The following FAM83G variants were observed in gnomAD, a reference collection of about 807,000 sequenced individuals.
The protein encoded by FAM83G is scaffolding CK1 anchoring protein G, also known as protein FAM83G.
In FAM83G, 38 loss-of-function variants were observed where a neutral mutation model predicts 61.5. The observed-to-expected ratio is 0.62, with a 90% CI of 0.48 to 0.81. FAM83G has a LOEUF of 0.81. Among genes scored for constraint, FAM83G ranks in the 30% least tolerant of loss-of-function variants. The probability of loss-of-function intolerance (pLI) is 0.00; values close to 1 mark genes in which losing one functional copy is unlikely to be tolerated. For missense variants in FAM83G, 989 were observed against 1,133.6 expected (o/e 0.87, Z 1.83); for synonymous variants, 470 against 476.1 (o/e 0.99, Z 0.17).
chr17:18,991,690 C>T (rs955991467), intron 2 of FAM83G, among the ~76,000 whole-genome samples: 1 of 152,192 alleles, frequency 6.6e-6, no homozygotes, highest in African/African-American at 2.4e-5. Flanking sequence ...ACGTGTGTGT[C>T]CTGCACCCCA....
chr17:18,970,723 G>A lies in FAM83G; in HGVS notation c.*636C>T. On this transcript the variant is annotated 3_prime_UTR_variant, in exon 6 of 6. Transcript: ENST00000388995. ...CTTGCCCAAGGCCGATGAGTGTCCA[G>A]AGGCCAACAGTGACTCCTGCTGGGC... 1 of 454,758 alleles carries A rather than the reference G, an allele frequency of 2.2e-6. No individual in the cohort carries two copies. The highest frequency in any genetic ancestry group is 4.0e-6 in the Non-Finnish European group (1 of 249,508). The allele number at this position is 454,758 out of a possible 1,614,324, so 28.2% of individuals were successfully genotyped here.
At chr17:18,983,000 G>A (rs886754299) in intron 3 of FAM83G, among the ~76,000 whole-genome samples, 14 of 152,228 alleles carry the variant, frequency 9.2e-5, no homozygotes, top group Admixed American at 3.3e-4. Flanking sequence ...CTCCCAGTGG[G>A]TGCCCCATGA....
chr17:18,986,686 GC>G (rs1451156863), intron 3 of FAM83G, among the ~76,000 whole-genome samples: 2 of 152,230 alleles, frequency 1.3e-5, no homozygotes, highest in East Asian at 3.8e-4. Context: ...GGAGTGGCTG[GC>G]CCCAGGTTAG....
intron 5 of FAM83G, among the ~76,000 whole-genome samples, chr17:18,975,026 G>A (rs1597841564): frequency 1.3e-5 from 2 of 152,316 alleles, no homozygotes; most frequent in South Asian, 4.1e-4. Flanking sequence ...TCTACTTGGG[G>A]TGACAGCACC....
rs1169596906 is a variant in FAM83G, at chr17:19,003,124, A to G, written c.522+396T>C. On this transcript the variant is annotated intron_variant, in intron 2 of 5. Coordinates refer to ENST00000388995, the MANE Select transcript of FAM83G (RefSeq NM_001039999.3). This position sits in a 1 kb window ranked among gnomAD's most constrained non-coding sequence, Gnocchi z 4.5. ...TCACCCCACAACAAAAGCTCTCCCC[A>G]CCAGAGAGCTCATGGTGTGTGCGCG... is the stretch of plus-strand genomic sequence containing the variant. Among the ~76,000 whole-genome samples, 10 of 151,128 alleles carry G rather than the reference A, an allele frequency of 6.6e-5. No homozygotes were observed. The highest frequency in any genetic ancestry group is 1.5e-4 in the Non-Finnish European group (10 of 67,826).
rs2042775999 is a variant in FAM83G, at chr17:18,969,176, G to A, written c.*2183C>T. 4 of 1,611,710 alleles carry A rather than the reference G, an allele frequency of 2.5e-6. No individual in the cohort carries two copies. The East Asian group carries it at 8.9e-5, about 36-fold the overall frequency. On this transcript the variant is annotated 3_prime_UTR_variant, in exon 6 of 6. Coordinates refer to ENST00000388995, the MANE Select transcript of FAM83G (RefSeq NM_001039999.3). Reference sequence around the variant, plus strand: ...ATCGCAGGTATGGTGCCTGCAGCAGGGAGGTCCACCCAGGGGACGTGTAAA... The same window carrying A: ...ATCGCAGGTATGGTGCCTGCAGCAGAGAGGTCCACCCAGGGGACGTGTAAA...
rs779496736 is a variant in FAM83G, at chr17:18,971,403, A to C, written c.2428T>G (p.Ser810Ala). The change falls in exon 6 of 6, where the codon TCT becomes GCT. Residue 810 changes from serine (S) to alanine (A), a missense_variant. By Grantham distance (99) the Ser-to-Ala change is moderately conservative (BLOSUM62 1). Around this residue, in one of 3 missense-constraint regions of FAM83G, gnomAD observed 574 missense variants for 645.1 expected, o/e 0.89. Transcript: ENST00000388995. The surrounding 1 kb of genome is among the most constrained non-coding windows in gnomAD (Gnocchi z 5.5). ...CGGGGGGCTTGAGCCCTCCGTTTAG[A>C]ATCCGATGAGGCCCACTGGCTACCG... Reference protein sequence around the residue: ...TGGSQWASSDSKRRAQAPRDR... With the variant: ...TGGSQWASSDAKRRAQAPRDR... 6.2e-7 allele frequency: 1 copy of C among 1,613,638 alleles called. No homozygotes were observed. The highest frequency in any genetic ancestry group is 8.5e-7 in the Non-Finnish European group (1 of 1,179,978).
intron 3 of FAM83G, among the ~76,000 whole-genome samples, chr17:18,984,305 C>T (rs1321700195): frequency 7.0e-6 from 1 of 143,398 alleles, no homozygotes; most frequent in South Asian, 2.2e-4. Context: ...TGCAGTCCAG[C>T]CTGGGCGACA....
chr17:18,988,541 G>T, intron 2 of FAM83G, 127 bp from the exon 3 acceptor site: 1 of 1,462,184 alleles, frequency 6.8e-7, no homozygotes. Context: ...CCCTACTCCT[G>T]GAGCCTCAGG....
At position 19,004,071 on chromosome 17, in the gene FAM83G, G is replaced by T. The variant is rs1025889067; in HGVS notation, c.-30C>A. The T allele has an allele frequency of 1.3e-6, 2 of 1,554,350 alleles. No individual in the cohort carries two copies. Among genetic ancestry groups the T allele is most frequent in the Admixed American group, 3.7e-5 (2 of 53,354 alleles). On this transcript the variant is annotated 5_prime_UTR_variant, in exon 2 of 6. Coordinates refer to ENST00000388995, the MANE Select transcript of FAM83G (RefSeq NM_001039999.3). This position sits in a 1 kb window ranked among gnomAD's most constrained non-coding sequence, Gnocchi z 5.4. ...CCGCCTGCCCGGGCACTGCTGCCGG[G>T]GGTGGGTGGGCAAGGTCCAGCTCCT... is the stretch of plus-strand genomic sequence containing the variant.
chr17:18,991,754 C>A (rs1283162463), intron 2 of FAM83G, among the ~76,000 whole-genome samples: 1 of 152,194 alleles, frequency 6.6e-6, no homozygotes, highest in East Asian at 1.9e-4. Flanking sequence ...CTGGAATCTG[C>A]GCAGGCCACA....
Position 18,979,664 on chromosome 17 carries a change from C to G in FAM83G, c.700G>C (p.Val234Leu), listed in dbSNP as rs997447086. ...MHLGHLKNLR[V>L]RSSGGTEFFT... ...AACTCAGTTCCCCCGCTGCTCCGCA[C>G]TCTGAGATTCTGTTTTGGGAACCAA... Residue 234 changes from valine to leucine, a missense_variant, in exon 4 of 6, where the codon GTG becomes CTG. Transcript: ENST00000388995. The G allele has an allele frequency of 6.2e-7, 1 of 1,613,416 alleles. No individual in the cohort carries two copies.
Position 18,969,526 on chromosome 17 carries a change from G to T in FAM83G, c.*1833C>A, listed in dbSNP as rs1410846206. The T allele has an allele frequency of 1.8e-6, 2 of 1,129,660 alleles. No homozygotes were observed. The highest frequency in any genetic ancestry group is 2.4e-5 in the East Asian group (1 of 41,090). 70.0% of individuals were successfully genotyped at this position (1,129,660 alleles called of 1,614,324 possible). A position where few individuals can be genotyped will look rare whatever the true frequency, so the allele number is the denominator to read the frequency against. On this transcript the variant is annotated 3_prime_UTR_variant, in exon 6 of 6. Coordinates refer to ENST00000388995, the MANE Select transcript of FAM83G (RefSeq NM_001039999.3). ...CAGGATTCATGCCGTTGGGGTTCTG[G>T]GTAGCATCGCTGGGAGTGGGTGGGT...
chr17:19,005,610 C>T (rs1043710823), upstream of FAM83G, among the ~76,000 whole-genome samples: 1 of 152,058 alleles, frequency 6.6e-6, no homozygotes, highest in South Asian at 2.1e-4. Flanking sequence ...ATGCTGCTTC[C>T]GTAGGCTGGT....
chr17:18,997,817 G>A (rs779575790), intron 2 of FAM83G, among the ~76,000 whole-genome samples: 18 of 152,322 alleles, frequency 1.2e-4, no homozygotes, highest in African/African-American at 3.6e-4. Context: ...TGGAGGAGGC[G>A]AGGGGAGAGA....
chr17:18,971,551 G>A lies in FAM83G; in HGVS notation c.2280C>T (p.Ser760=). The change falls in exon 6 of 6, where the codon AGC becomes AGT. Residue 760 remains serine, a synonymous_variant. Transcript: ENST00000388995. The surrounding 1 kb of genome is among the most constrained non-coding windows in gnomAD (Gnocchi z 5.5). The part of the protein sequence containing the change: ...QVPRLLPDPG[S]PRLAQNARPM... ...GGCGGGCATTTTGGGCCAGTCTTGGGCTGCCGGGATCCGGAAGCAGGCGGG... is the reference window on the plus strand; with the variant it reads ...GGCGGGCATTTTGGGCCAGTCTTGGACTGCCGGGATCCGGAAGCAGGCGGG... The A allele has an allele frequency of 6.2e-7, 1 of 1,613,898 alleles. No individual in the cohort carries two copies. Among genetic ancestry groups the A allele is most frequent in the Non-Finnish European group, 8.5e-7 (1 of 1,180,024 alleles).
rs370625651 is a variant in FAM83G, at chr17:18,978,157, G to C, written c.1509C>G (p.Pro503=). 6.5e-7 allele frequency: 1 copy of C among 1,530,242 alleles called. No individual in the cohort carries two copies. Among genetic ancestry groups the C allele is most frequent in the Non-Finnish European group, 8.8e-7 (1 of 1,142,236 alleles). The allele number at this position is 1,530,242 out of a possible 1,614,324, so 94.8% of individuals were successfully genotyped here. The change falls in exon 5 of 6, where the codon CCC becomes CCG. Residue 503 remains proline, a synonymous_variant. Transcript: ENST00000388995. ...CAGGGACTGTCCGGGGCTTGGGCAC[G>C]GGGGGCAATGGCTCAGGGTCCCCCT... The part of the protein sequence containing the change: ...LPQGDPEPLP[P]VPKPRTVPVA...
In FAM83G at chr17:18,969,268, C is replaced by T. The variant is rs2074272; in HGVS notation, c.*2091G>A. 0.069 allele frequency: 109,583 copies of T among 1,578,212 alleles called. 6,917 individuals are homozygous for T. Among genetic ancestry groups the T allele is most frequent in the South Asian group, 0.29 (25,429 of 88,018 alleles). ...GCCCAGGAAGTGGCCCCAGCAGGAGCCCCAGAAGTTCCTCCCCGTGTCCCT... is the reference window on the plus strand; with the variant it reads ...GCCCAGGAAGTGGCCCCAGCAGGAGTCCCAGAAGTTCCTCCCCGTGTCCCT... On this transcript the variant is annotated 3_prime_UTR_variant, in exon 6 of 6. Coordinates refer to ENST00000388995, the MANE Select transcript of FAM83G (RefSeq NM_001039999.3).
rs560079825 is a variant in FAM83G at position 18,969,930 on chromosome 17, C to G, written c.*1429G>C. ...CAGATAGGAAACTCACAGGGCTGCC[C>G]GGAGAGAGCGTGAGCTCACCGTCCC... On this transcript the variant is annotated 3_prime_UTR_variant, in exon 6 of 6. Transcript: ENST00000388995. 1 of 153,482 alleles carries G rather than the reference C, an allele frequency of 6.5e-6. No homozygotes were observed. The highest frequency in any genetic ancestry group is 2.4e-5 in the African/African-American group (1 of 41,492). The allele number at this position is 153,482 out of a possible 1,614,324, so 9.5% of individuals were successfully genotyped here.
Sources: gnomAD v4.1 joint callset for allele counts (sites outside exome capture counted in the v4.1 genomes callset) on GRCh38, gnomAD v4.1.1 for gene constraint, gnomAD v4.1.1 regional missense constraint, Gnocchi (gnomAD v3.1) non-coding constraint, MANE v1.5 for transcripts, NCBI Gene and HGNC (gene_info 2026-07-23, HGNC 2026-07-21) for gene names.